The following CSMD1 variants were observed in gnomAD, a reference collection of about 807,000 sequenced individuals.
The protein encoded by CSMD1 is CUB and sushi domain-containing protein 1.
Under a neutral mutation model 417.5 loss-of-function variants are expected in CSMD1, and 213 were observed. That is an observed-to-expected ratio of 0.51 (90% CI 0.46 to 0.57). The LOEUF is 0.57. Ranked by LOEUF, CSMD1 falls within the 20% of genes least tolerant of loss-of-function variation. CSMD1 has a pLI of 0.00. For missense variants in CSMD1, 6,923 were observed against 4,529.7 expected (o/e 1.53, Z -15.17); for synonymous variants, 2,862 against 1,736.8 (o/e 1.65, Z -16.11).
intron 26 of CSMD1, among the ~76,000 whole-genome samples, chr8:3,273,177 C>G (rs1181682769): frequency 2.0e-5 from 3 of 150,690 alleles, no homozygotes; most frequent in Non-Finnish European, 4.4e-5. Flanking sequence ...TTTTCTGCGT[C>G]TATTGAGATA....
intron 13 of CSMD1, 65 bp downstream of exon 13, chr8:3,409,358 C>G: frequency 7.1e-7 from 1 of 1,404,042 alleles, no homozygotes; most frequent in African/African-American, 1.4e-5. Context: ...GTGTCTTTCT[C>G]CTTTTCTCCC....
intron 5 of CSMD1, among the ~76,000 whole-genome samples, chr8:3,910,817 C>A (rs1164951460): frequency 6.6e-6 from 1 of 152,158 alleles, no homozygotes; most frequent in African/African-American, 2.4e-5. Context: ...TTGGAGAGTG[C>A]ATGCTACAGG....
At chr8:4,316,139 C>G (rs6993554) in intron 3 of CSMD1, among the ~76,000 whole-genome samples, 28,423 of 152,156 alleles carry the variant, frequency 0.19, 2,878 homozygotes, top group East Asian at 0.32. Flanking sequence ...CAAAAACCTT[C>G]AACAATCCAA....
chr8:3,918,049 G>C (rs1338126811), intron 5 of CSMD1, among the ~76,000 whole-genome samples: 1 of 152,000 alleles, frequency 6.6e-6, no homozygotes, highest in Non-Finnish European at 1.5e-5. Context: ...TAAGGGGTGA[G>C]TAATATTTCA....
At chr8:4,557,529 A>G (rs1798148987) in intron 2 of CSMD1, among the ~76,000 whole-genome samples, 1 of 152,268 alleles carries the variant, frequency 6.6e-6, no homozygotes, top group African/African-American at 2.4e-5. Flanking sequence ...AATAAAATAC[A>G]TCTTTAACAA....
At chr8:4,795,086 G>A (rs894258690) in intron 1 of CSMD1, among the ~76,000 whole-genome samples, 1 of 151,846 alleles carries the variant, frequency 6.6e-6, no homozygotes, top group Non-Finnish European at 1.5e-5. Context: ...GAAGGTAATA[G>A]TGAAGAATCA....
intron 68 of CSMD1, among the ~76,000 whole-genome samples, chr8:2,946,544 A>T (rs1251028214): frequency 6.6e-6 from 1 of 152,160 alleles, no homozygotes; most frequent in Non-Finnish European, 1.5e-5. Flanking sequence ...TTCAAGGTCC[A>T]TCCTTGTTGT....
intron 2 of CSMD1, among the ~76,000 whole-genome samples, chr8:4,436,274 C>A (rs545901802): frequency 6.6e-6 from 1 of 152,246 alleles, no homozygotes; most frequent in South Asian, 2.1e-4. Flanking sequence ...TTAATACCCA[C>A]CTTGTATTGT....
chr8:4,799,582 G>C (rs534825585), intron 1 of CSMD1, among the ~76,000 whole-genome samples: 6 of 103,764 alleles, frequency 5.8e-5, no homozygotes, highest in African/African-American at 2.0e-4. Flanking sequence ...CTGTGTGAGA[G>C]AGCAAGACTC....
intron 10 of CSMD1, among the ~76,000 whole-genome samples, chr8:3,534,705 G>T (rs938639735): frequency 3.3e-5 from 5 of 152,060 alleles, no homozygotes; most frequent in Admixed American, 6.6e-5. Context: ...CATTCTTCTA[G>T]TCCCAGAGCC....
chr8:3,917,092 T>C (rs1319153348), intron 5 of CSMD1, among the ~76,000 whole-genome samples: 10 of 152,176 alleles, frequency 6.6e-5, no homozygotes, highest in Admixed American at 5.9e-4. Context: ...AGGCATTTAT[T>C]CAGAATTTTA....
Position 3,931,220 on chromosome 8 carries a change from C to T in CSMD1, c.818+66683G>A, listed in dbSNP as rs138722476. On this transcript the variant is annotated intron_variant, in intron 5 of 69. Transcript: ENST00000635120. ...AGGAAGACACTAAATAAATGAGGTTCGGAGAATGATAATACATTTTGTTAG... is the reference window on the plus strand; with the variant it reads ...AGGAAGACACTAAATAAATGAGGTTTGGAGAATGATAATACATTTTGTTAG... Among the ~76,000 whole-genome samples the T allele has an allele frequency of 1.2e-4, 18 of 150,570 alleles. 2 individuals are homozygous for T. The East Asian group carries it at 2.5e-3, about 21-fold the overall frequency.
chr8:3,990,452 G>C (rs1387097928), intron 5 of CSMD1, among the ~76,000 whole-genome samples: 5 of 152,168 alleles, frequency 3.3e-5, no homozygotes, highest in South Asian at 2.1e-4. Flanking sequence ...CCCATCTTTA[G>C]AGACCAGGGA....
chr8:4,163,320 A>G (rs1334691195), intron 3 of CSMD1, among the ~76,000 whole-genome samples: 1 of 152,208 alleles, frequency 6.6e-6, no homozygotes, highest in Non-Finnish European at 1.5e-5. Flanking sequence ...ATTGTCTTCC[A>G]AAGTGGCTGT....
At chr8:4,192,248 G>T (rs947909585) in intron 3 of CSMD1, among the ~76,000 whole-genome samples, 3 of 152,108 alleles carry the variant, frequency 2.0e-5, no homozygotes, top group African/African-American at 4.8e-5. Flanking sequence ...TAGTTCGTTA[G>T]GATTATAAAT....
chr8:3,973,860 T>A (rs1813240370), intron 5 of CSMD1, among the ~76,000 whole-genome samples: 1 of 152,170 alleles, frequency 6.6e-6, no homozygotes, highest in Non-Finnish European at 1.5e-5. Flanking sequence ...TTTAAGTGTT[T>A]ATGGGTAACT....
At chr8:3,929,725 A>T (rs1246879193) in intron 5 of CSMD1, among the ~76,000 whole-genome samples, 3 of 149,916 alleles carry the variant, frequency 2.0e-5, no homozygotes, top group Non-Finnish European at 4.5e-5. Context: ...GCATTGGCAC[A>T]ATCTCGGCTC....
At chr8:4,560,882 T>A (rs548879551) in intron 2 of CSMD1, among the ~76,000 whole-genome samples, 1 of 152,272 alleles carries the variant, frequency 6.6e-6, no homozygotes, top group East Asian at 1.9e-4. Context: ...CACAGTGGTG[T>A]CTCTTCCTCC....
intron 17 of CSMD1, 89 bp downstream of exon 17, chr8:3,396,105 G>T: frequency 8.9e-7 from 1 of 1,121,514 alleles, no homozygotes; most frequent in Non-Finnish European, 1.3e-6. Context: ...AACTAGCACA[G>T]TCATCTGCAG....
Sources: gnomAD v4.1 joint callset for allele counts (sites outside exome capture counted in the v4.1 genomes callset) on GRCh38, gnomAD v4.1.1 for gene constraint, MANE v1.5 for transcripts, NCBI Gene and HGNC (gene_info 2026-07-23, HGNC 2026-07-21) for gene names.